PDIA6: variants seen among roughly 807,000 people sequenced by gnomAD.
The protein encoded by PDIA6 is protein disulfide-isomerase A6.
PDIA6 carries 29 observed loss-of-function variants against 58.4 expected under a neutral mutation model. The ratio of observed to expected loss-of-function variants is 0.50; its 90% CI spans 0.37 to 0.68. The LOEUF (loss-of-function observed/expected upper bound fraction) is 0.68. Among genes scored for constraint, PDIA6 ranks in the 30% least tolerant of loss-of-function variants. The pLI is 0.00. For missense variants in PDIA6, 480 were observed against 551.0 expected, an observed-to-expected ratio of 0.87 and a Z score of 1.29; for synonymous variants, 192 against 202.6, an observed-to-expected ratio of 0.95 and a Z score of 0.44.
chr2:10,791,730 A>C, intron 6 of PDIA6, 65 bp downstream of exon 6: 1 of 1,467,860 alleles, frequency 6.8e-7, no homozygotes, highest in Non-Finnish European at 9.3e-7. Flanking sequence ...AGCTCTTTCA[A>C]AATAAGCTAA....
chr2:10,788,065 C>CAAAAAAAAAAAAAAAAAAAAA (rs565180851), intron 10 of PDIA6, among the ~76,000 whole-genome samples: 1 of 102,170 alleles, frequency 9.8e-6, no homozygotes, highest in Non-Finnish European at 1.9e-5. Flanking sequence ...GACTCTGTCT[C>CAAAAAAAAAAAAAAAAAAAAA]AAAAAAAAAA....
intron 1 of PDIA6, among the ~76,000 whole-genome samples, chr2:10,823,871 G>A (rs571257078): frequency 1.3e-5 from 2 of 151,580 alleles, no homozygotes; most frequent in African/African-American, 4.8e-5. Flanking sequence ...CCTGGGGGCA[G>A]CTTACATTCC....
At chr2:10,785,071 T>C (rs1239693157) in intron 11 of PDIA6, 41 bp from the exon 12 acceptor site, 8 of 1,296,264 alleles carry the variant, frequency 6.2e-6, no homozygotes, top group African/African-American at 1.5e-5. Context: ...ACATTTACAA[T>C]GGACTGCTGG....
At chr2:10,807,258 G>T (rs142244752) in intron 1 of PDIA6, among the ~76,000 whole-genome samples, 5 of 152,290 alleles carry the variant, frequency 3.3e-5, no homozygotes, top group African/African-American at 1.2e-4. Context: ...ACCCAGACTG[G>T]AGTGCAATGG....
chr2:10,834,077 A>G (rs1667768429), upstream of PDIA6, among the ~76,000 whole-genome samples: 1 of 152,248 alleles, frequency 6.6e-6, no homozygotes, highest in African/African-American at 2.4e-5. Flanking sequence ...TGTTTTCTAA[A>G]TACTGTTGCA....
At chr2:10,823,595 A>C (rs1032447988) in intron 1 of PDIA6, among the ~76,000 whole-genome samples, 2 of 152,268 alleles carry the variant, frequency 1.3e-5, no homozygotes, top group Non-Finnish European at 2.9e-5. Flanking sequence ...GCACCAAAAC[A>C]TATTCAAAAT....
At chr2:10,817,202 C>T (rs976750475), upstream of PDIA6, among the ~76,000 whole-genome samples, 1 of 152,216 alleles carries the variant, frequency 6.6e-6, no homozygotes, top group Non-Finnish European at 1.5e-5. Context: ...CTTGATTACT[C>T]TCTAATTTAG....
intron 1 of PDIA6, among the ~76,000 whole-genome samples, chr2:10,829,468 G>C (rs1667644726): frequency 6.6e-6 from 1 of 152,158 alleles, no homozygotes; most frequent in Non-Finnish European, 1.5e-5. Context: ...AATAACCAAG[G>C]GTGTTGACTT....
rs565180851 is a variant in PDIA6, at chr2:10,788,065, C to CAAAAAAAAAAAAAA, written c.998+618_999-627dup. Among the ~76,000 whole-genome samples the CAAAAAAAAAAAAAA allele has an allele frequency of 2.1e-3, 216 of 102,116 alleles. 3 individuals carry two copies. Among genetic ancestry groups the CAAAAAAAAAAAAAA allele is most frequent in the African/African-American group, 7.6e-3 (195 of 25,702 alleles). The allele number at this position is 102,116 out of a possible 152,430, so 67.0% of individuals were successfully genotyped here. A position where few individuals can be genotyped will look rare whatever the true frequency, so the allele number is the denominator to read the frequency against. On this transcript the variant is annotated intron_variant, in intron 10 of 12. Transcript: ENST00000272227. ...TGGGCAAGAGAGTGAGACTCTGTCT[C>CAAAAAAAAAAAAAA]AAAAAAAAAAAAAAAGGATAAAATA...
intron 1 of PDIA6, among the ~76,000 whole-genome samples, chr2:10,804,703 G>A (rs1666658811): frequency 7.7e-6 from 1 of 129,146 alleles, no homozygotes; most frequent in African/African-American, 2.6e-5. Flanking sequence ...TTCCAATTCT[G>A]TGAAGAAAGT....
chr2:10,810,154 T>C (rs1209245760), intron 1 of PDIA6: 3 of 720,348 alleles, frequency 4.2e-6, no homozygotes, highest in Non-Finnish European at 7.3e-6. Context: ...TTTGCATATA[T>C]TAAGTCATTT....
chr2:10,821,111 T>G, intron 1 of PDIA6: 1 of 431,628 alleles, frequency 2.3e-6, no homozygotes, highest in East Asian at 4.1e-5. Context: ...TTCTCACTTT[T>G]CTGTTGTTGA....
intron 1 of PDIA6, among the ~76,000 whole-genome samples, chr2:10,830,699 T>C (rs1667685725): frequency 6.6e-6 from 1 of 152,218 alleles, no homozygotes; most frequent in Admixed American, 6.5e-5. Context: ...ATAGGGAGAA[T>C]GTGGCCTCAG....
chr2:10,810,367 A>C, intron 1 of PDIA6: 1 of 1,508,394 alleles, frequency 6.6e-7, no homozygotes, highest in South Asian at 1.3e-5. Flanking sequence ...TCTCTTTGCC[A>C]ATCAAGGACA....
chr2:10,793,409 TTTTA>T (rs1432546747), intron 4 of PDIA6, among the ~76,000 whole-genome samples: 8 of 151,128 alleles, frequency 5.3e-5, no homozygotes, highest in African/African-American at 1.7e-4. Context: ...CCTTTTCCTT[TTTTA>T]TTTATTATTA....
At chr2:10,837,544 A>G (rs1354894569) in exon 1 of PDIA6, 6 of 730,076 alleles carry the variant, frequency 8.2e-6, no homozygotes, top group Admixed American at 2.0e-5. Context: ...GCGCCGTGCA[A>G]GTATCATCAA....
At chr2:10,830,762 G>C (rs547641121) in intron 1 of PDIA6, among the ~76,000 whole-genome samples, 1 of 152,186 alleles carries the variant, frequency 6.6e-6, no homozygotes, top group African/African-American at 2.4e-5. Context: ...CCCCCTGCGC[G>C]GGCGTGGCTG....
At chr2:10,784,415 G>C (rs984664093) in intron 12 of PDIA6, 89 bp from the exon 13 acceptor site, 7 of 970,420 alleles carry the variant, frequency 7.2e-6, no homozygotes, top group African/African-American at 3.2e-5. Flanking sequence ...GCGACTCTCT[G>C]GAGCTACTCC....
chr2:10,823,393 T>A (rs1558462997), intron 1 of PDIA6: 1 of 152,248 alleles, frequency 6.6e-6, no homozygotes, highest in Non-Finnish European at 1.5e-5. Context: ...ATGGCTCATA[T>A]GAACTTCTGA....
Sources: gnomAD v4.1 joint callset for allele counts (sites outside exome capture counted in the v4.1 genomes callset) on GRCh38, gnomAD v4.1.1 for gene constraint, MANE v1.5 for transcripts, NCBI Gene and HGNC (gene_info 2026-07-23, HGNC 2026-07-21) for gene names.